The following ARID3C variants were observed in gnomAD, a reference collection of about 807,000 sequenced individuals.
ARID3C encodes AT-rich interactive domain-containing protein 3C.
In ARID3C, 42 loss-of-function variants were observed where a neutral mutation model predicts 37.9. The ratio of observed to expected loss-of-function variants is 1.11; its 90% CI spans 0.87 to 1.43. ARID3C has a LOEUF of 1.43. Ranked by LOEUF, ARID3C falls within the 40% of genes most tolerant of loss-of-function variation. The probability of loss-of-function intolerance (pLI) is 0.00; values close to 1 mark genes in which losing one functional copy is unlikely to be tolerated. For synonymous variants in ARID3C, 213 were observed against 228.0 expected, an observed-to-expected ratio of 0.93 and a Z score of 0.59; for missense variants, 581 against 548.8, an observed-to-expected ratio of 1.06 and a Z score of -0.59.
chr9:34,630,655 C>G (rs1318824981), upstream of ARID3C, among the ~76,000 whole-genome samples: 1 of 152,120 alleles, frequency 6.6e-6, no homozygotes, highest in Non-Finnish European at 1.5e-5. Context: ...GTGGGTCTGA[C>G]CATGGTGGGT....
Position 34,627,769 on chromosome 9 carries a change from GCC to G in ARID3C, c.244_245del (p.Gly82ProfsTer6), listed in dbSNP as rs1820676239. On this transcript the variant is annotated frameshift_variant, in exon 1 of 7. Transcript: ENST00000378909. LOFTEE classifies it high-confidence loss of function. Reference sequence around the variant, plus strand: ...GGGGCTGGCTAGAAGGCGAGCTGGGGCCCTGGGCCCCTGGACGGCTCTCCTCA... The same window carrying G: ...GGGGCTGGCTAGAAGGCGAGCTGGGGCTGGGCCCCTGGACGGCTCTCCTCA... 1 of 1,614,156 alleles carries G rather than the reference GCC, an allele frequency of 6.2e-7. No individual in the cohort carries two copies. The highest frequency in any genetic ancestry group is 8.5e-7 in the Non-Finnish European group (1 of 1,180,004).
At chr9:34,623,796 A>ACCCACCC in intron 3 of ARID3C, 68 bp downstream of exon 4, 23 of 1,134,714 alleles carry the variant, frequency 2.0e-5, no homozygotes, top group Non-Finnish European at 2.6e-5. Context: ...CCGCCCGGGG[A>ACCCACCC]CCCTCCCCCC....
At chr9:34,621,963 T>G (rs1429457730) in intron 6 of ARID3C, 57 bp downstream of exon 7, 2 of 1,536,608 alleles carry the variant, frequency 1.3e-6, no homozygotes, top group African/African-American at 2.7e-5. Flanking sequence ...AAAATCCCCA[T>G]GCCAGCCTAA....
upstream of ARID3C, among the ~76,000 whole-genome samples, chr9:34,628,697 A>AAG (rs1820691909): frequency 6.6e-6 from 1 of 152,150 alleles, no homozygotes; most frequent in African/African-American, 2.4e-5. This position sits in a 1 kb window ranked among gnomAD's most constrained non-coding sequence, Gnocchi z 5.2. Context: ...AAACGGACAG[A>AAG]AGAGAGAGAT....
intron 3 of ARID3C, 42 bp from the exon 5 acceptor site, chr9:34,623,756 C>A: frequency 6.7e-7 from 1 of 1,502,114 alleles, no homozygotes; most frequent in Admixed American, 2.0e-5. Flanking sequence ...GGAGGCTGCA[C>A]CCAGCTGGTC....
intron 1 of ARID3C, among the ~76,000 whole-genome samples, chr9:34,627,337 C>A (rs930213686): frequency 6.6e-6 from 1 of 152,020 alleles, no homozygotes; most frequent in Non-Finnish European, 1.5e-5. Flanking sequence ...AATCCCCAGC[C>A]CCTAGACTGC....
exon 5 of ARID3C, chr9:34,622,404 G>C: frequency 6.2e-7 from 1 of 1,613,898 alleles, no homozygotes; most frequent in Non-Finnish European, 8.5e-7. Context: ...GGTCGAGGTG[G>C]GTCCATAGGC....
In ARID3C at chr9:34,623,857, G is replaced by T; in HGVS notation, c.575+7C>A. On this transcript the variant is annotated splice_region_variant and intron_variant, in intron 3 of 6. Transcript: ENST00000378909. ...CCCTTCCCTTCCGCTCCCGCCCCTG[G>T]CCTCACTGGGTGCGTAGAGTGAAGG... 6.3e-7 allele frequency: 1 copy of T among 1,587,284 alleles called. No individual in the cohort carries two copies.
upstream of ARID3C, among the ~76,000 whole-genome samples, chr9:34,632,027 G>C (rs1037275580): frequency 2.0e-5 from 3 of 152,230 alleles, no homozygotes; most frequent in Non-Finnish European, 4.4e-5. Flanking sequence ...CCTAGTCCTA[G>C]AAGTCACACA....
chr9:34,626,715 C>G (rs1467664320), intron 1 of ARID3C, among the ~76,000 whole-genome samples: 1 of 152,150 alleles, frequency 6.6e-6, no homozygotes, highest in African/African-American at 2.4e-5. Flanking sequence ...AAAAATTGAG[C>G]CCTAAGTCTA....
chr9:34,623,890 G>A (rs1356709239), exon 3 of ARID3C: 1 of 1,600,722 alleles, frequency 6.2e-7, no homozygotes, highest in South Asian at 1.1e-5. Context: ...AGGCGGCCGA[G>A]GTGATGGTGG....
At chr9:34,622,392 A>G (rs3808869) in exon 5 of ARID3C, 1 of 1,612,502 alleles carries the variant, frequency 6.2e-7, no homozygotes, top group Non-Finnish European at 8.5e-7. Flanking sequence ...GGGGGCATGC[A>G]AGGTCGAGGT....
At chr9:34,632,674 T>C (rs1820733167), upstream of ARID3C, among the ~76,000 whole-genome samples, 1 of 152,044 alleles carries the variant, frequency 6.6e-6, no homozygotes, top group Non-Finnish European at 1.5e-5. Context: ...TATTTGATGA[T>C]GGATTGGATG....
intron 5 of ARID3C, 45 bp from the exon 7 acceptor site, chr9:34,622,154 T>C: frequency 6.2e-7 from 1 of 1,608,702 alleles, no homozygotes; most frequent in Non-Finnish European, 8.5e-7. Flanking sequence ...AGAATCAGAC[T>C]TCTGACTTAT....
upstream of ARID3C, among the ~76,000 whole-genome samples, chr9:34,631,896 G>A (rs1372298415): frequency 2.0e-5 from 3 of 152,228 alleles, no homozygotes; most frequent in Non-Finnish European, 4.4e-5. Context: ...TTGGCAGGGG[G>A]CCTGTTCCCC....
intron 2 of ARID3C, among the ~76,000 whole-genome samples, chr9:34,625,164 G>A (rs534510970): frequency 3.9e-5 from 6 of 152,276 alleles, no homozygotes; most frequent in African/African-American, 1.4e-4. Flanking sequence ...TAATGAGTCA[G>A]TGTTCGGTCC....
At chr9:34,627,887 C>G (rs747434261) in exon 1 of ARID3C, 6 of 1,567,978 alleles carry the variant, frequency 3.8e-6, no homozygotes, top group Non-Finnish European at 5.2e-6. Context: ...CCCCAAGGCC[C>G]CCTCAGGGGC....
chr9:34,628,135 C>A, upstream of ARID3C: 2 of 1,330,382 alleles, frequency 1.5e-6, no homozygotes, highest in Non-Finnish European at 9.9e-7. This position sits in a 1 kb window ranked among gnomAD's most constrained non-coding sequence, Gnocchi z 5.2. Flanking sequence ...CCCCAGAGCC[C>A]CCCAACACAG....
chr9:34,630,960 C>T (rs1820717840), upstream of ARID3C, among the ~76,000 whole-genome samples: 1 of 152,316 alleles, frequency 6.6e-6, no homozygotes, highest in East Asian at 1.9e-4. Context: ...AGCCAAGCCT[C>T]CTCCTCTGCC....
Sources: gnomAD v4.1 joint callset for allele counts (sites outside exome capture counted in the v4.1 genomes callset) on GRCh38, gnomAD v4.1.1 for gene constraint, Gnocchi (gnomAD v3.1) non-coding constraint, MANE v1.5 for transcripts, NCBI Gene and HGNC (gene_info 2026-07-23, HGNC 2026-07-21) for gene names.